IGFBP2: variants seen among roughly 807,000 people sequenced by gnomAD.
The protein encoded by IGFBP2 is insulin like growth factor binding protein 2.
A neutral mutation model predicts 26.2 loss-of-function variants in IGFBP2; 12 were observed. That is an observed-to-expected ratio of 0.46 (90% CI 0.29 to 0.74). IGFBP2 has a LOEUF of 0.74. Ranked by LOEUF, IGFBP2 falls within the 30% of genes least tolerant of loss-of-function variation. IGFBP2 has a pLI of 0.09. For missense variants in IGFBP2, 328 were observed against 441.2 expected (o/e 0.74, Z 2.30); for synonymous variants, 189 against 200.6 (o/e 0.94, Z 0.49).
Position 216,661,898 on chromosome 2 carries a change from T to TC in IGFBP2, c.714dup (p.Ser239LeufsTer8). On this transcript the variant is annotated frameshift_variant, in exon 3 of 4. Transcript: ENST00000233809. LOFTEE classifies it high-confidence loss of function. Reference sequence around the variant, plus strand: ...GAACTGGACCAGGTCCTGGAGCGGATCTCCACCATGCGCCTTCCGGATGAG... The same window carrying TC: ...GAACTGGACCAGGTCCTGGAGCGGATCCTCCACCATGCGCCTTCCGGATGAG... The TC allele has an allele frequency of 6.2e-7, 1 of 1,614,164 alleles. No homozygotes were observed.
rs1395052238 is a variant in IGFBP2, at chr2:216,664,249, G to C, written c.*145G>C. 5.1e-6 allele frequency: 3 copies of C among 587,578 alleles called. No homozygotes were observed. The highest frequency in any genetic ancestry group is 8.3e-6 in the Non-Finnish European group (3 of 363,366). The allele number at this position is 587,578 out of a possible 1,614,324, so 36.4% of individuals were successfully genotyped here. On this transcript the variant is annotated 3_prime_UTR_variant, in exon 4 of 4. Transcript: ENST00000233809. This position sits in a 1 kb window ranked among gnomAD's most constrained non-coding sequence, Gnocchi z 4.6. The stretch of plus-strand genomic sequence containing the variant: ...ATATTTGGAAAGAGACCAGCACCGA[G>C]CTCGGCACCTCCCCGGCCTCTCTCT...
intron 1 of IGFBP2, among the ~76,000 whole-genome samples, chr2:216,646,073 T>C (rs956466868): frequency 6.6e-6 from 1 of 152,232 alleles, no homozygotes; most frequent in Non-Finnish European, 1.5e-5. Context: ...TTAAAGACAC[T>C]TATTTATATT....
At chr2:216,643,935 T>A (rs1403016001) in intron 1 of IGFBP2, among the ~76,000 whole-genome samples, 2 of 151,628 alleles carry the variant, frequency 1.3e-5, no homozygotes, top group East Asian at 1.9e-4. Context: ...GGGATGTCGA[T>A]TTTTTTTTCT....
intron 1 of IGFBP2, among the ~76,000 whole-genome samples, chr2:216,647,348 A>G (rs1427629618): frequency 6.6e-6 from 1 of 152,180 alleles, no homozygotes; most frequent in Non-Finnish European, 1.5e-5. Flanking sequence ...GACCAAGTTT[A>G]TGTCTTCAGG....
At chr2:216,653,327 T>A (rs1697861825) in intron 1 of IGFBP2, among the ~76,000 whole-genome samples, 2 of 152,202 alleles carry the variant, frequency 1.3e-5, no homozygotes, top group Admixed American at 1.3e-4. Flanking sequence ...AGAGTTTGAT[T>A]TGTTGAGTAA....
chr2:216,641,421 TG>T (rs1697610776), intron 1 of IGFBP2, among the ~76,000 whole-genome samples: 1 of 152,178 alleles, frequency 6.6e-6, no homozygotes, highest in Non-Finnish European at 1.5e-5. Flanking sequence ...ACTACACAGA[TG>T]TGTGTAAAGA....
intron 1 of IGFBP2, among the ~76,000 whole-genome samples, chr2:216,649,280 G>A (rs1228102269): frequency 6.6e-6 from 1 of 152,130 alleles, no homozygotes; most frequent in African/African-American, 2.4e-5. Context: ...GCTATATATT[G>A]TTCCTTTGTA....
chr2:216,657,034 G>A (rs2106203668), intron 1 of IGFBP2, among the ~76,000 whole-genome samples: 1 of 152,324 alleles, frequency 6.6e-6, no homozygotes, highest in African/African-American at 2.4e-5. Context: ...GGGTGAGGGC[G>A]AACTGGAGGT....
chr2:216,657,050 C>T (rs1365669790), intron 1 of IGFBP2, among the ~76,000 whole-genome samples: 1 of 152,156 alleles, frequency 6.6e-6, no homozygotes, highest in African/African-American at 2.4e-5. Flanking sequence ...GAGGTTCCCA[C>T]TTCATTTTGT....
intron 1 of IGFBP2, among the ~76,000 whole-genome samples, chr2:216,649,335 T>C (rs1697774142): frequency 1.3e-5 from 2 of 152,248 alleles, no homozygotes; most frequent in African/African-American, 2.4e-5. Flanking sequence ...TGAAACACTT[T>C]TGGATCTGGT....
chr2:216,636,958 G>A (rs1333580849), intron 1 of IGFBP2, among the ~76,000 whole-genome samples: 1 of 151,590 alleles, frequency 6.6e-6, no homozygotes, highest in African/African-American at 2.4e-5. Flanking sequence ...CGGGCCTGGG[G>A]AGGCTCTGCA....
chr2:216,663,927 CCT>C lies in IGFBP2; in HGVS notation c.814-7_814-6del, dbSNP rs1688705596. On this transcript the variant is annotated splice_polypyrimidine_tract_variant and intron_variant, in intron 3 of 3. Coordinates refer to ENST00000233809, the MANE Select transcript of IGFBP2 (RefSeq NM_000597.3). ...GCTGCGGGCTCCTCCATGCTCTTCT[CCT>C]CTCTCCCCAGTGCAAGATGTCTCTG... 6.2e-7 allele frequency: 1 copy of C among 1,612,182 alleles called. No homozygotes were observed. Among genetic ancestry groups the C allele is most frequent in the Non-Finnish European group, 8.5e-7 (1 of 1,179,008 alleles).
At chr2:216,647,273 A>G (rs1364549624) in intron 1 of IGFBP2, among the ~76,000 whole-genome samples, 2 of 152,258 alleles carry the variant, frequency 1.3e-5, no homozygotes, top group East Asian at 3.9e-4. Context: ...ATGTTAATTG[A>G]GGACACAGAA....
chr2:216,634,055 G>A (rs1321991831), intron 1 of IGFBP2, 90 bp downstream of exon 1: 2 of 1,452,752 alleles, frequency 1.4e-6, no homozygotes, highest in Non-Finnish European at 9.1e-7. Flanking sequence ...CGGTTTTAGG[G>A]GCGGCAGAGC....
chr2:216,654,440 G>A (rs1011055443), intron 1 of IGFBP2, among the ~76,000 whole-genome samples: 2 of 152,210 alleles, frequency 1.3e-5, no homozygotes, highest in African/African-American at 2.4e-5. Context: ...GCTTAAGAAA[G>A]TTGTCTGGTG....
chr2:216,647,875 C>G (rs192922793), intron 1 of IGFBP2, among the ~76,000 whole-genome samples: 94 of 152,254 alleles, frequency 6.2e-4, no homozygotes, highest in Middle Eastern at 3.4e-3. Flanking sequence ...GGCTGGAATG[C>G]AATTGCACGA....
chr2:216,658,512 T>A (rs1574566510), intron 1 of IGFBP2, among the ~76,000 whole-genome samples: 1 of 150,660 alleles, frequency 6.6e-6, no homozygotes, highest in East Asian at 1.9e-4. Flanking sequence ...AGAATTTCTG[T>A]GCTCCAGGTC....
Position 216,660,775 on chromosome 2 carries a change from C to T in IGFBP2, c.661C>T (p.Pro221Ser), listed in dbSNP as rs1460256483. Reference protein sequence around the residue: ...GLEEPKKLRPPPARTPCQQEL... With the variant: ...GLEEPKKLRPSPARTPCQQEL... ...GGAGGAGCCCAAGAAGCTGCGACCA[C>T]CCCCTGCCAGGGTCAGTGAGGGTCA... The change falls in exon 2 of 4, where the codon CCC becomes TCC. Residue 221 changes from proline (P) to serine (S), a missense_variant. Transcript: ENST00000233809. The T allele has an allele frequency of 1.9e-6, 3 of 1,586,098 alleles. No individual in the cohort carries two copies. The highest frequency in any genetic ancestry group is 2.6e-6 in the Non-Finnish European group (3 of 1,167,170).
chr2:216,633,120 C>G (rs1697410705), upstream of IGFBP2: 2 of 152,438 alleles, frequency 1.3e-5, no homozygotes, highest in Non-Finnish European at 2.9e-5. Context: ...TGAGAGCAGA[C>G]AAAAGCACGC....
Sources: gnomAD v4.1 joint callset for allele counts (sites outside exome capture counted in the v4.1 genomes callset) on GRCh38, gnomAD v4.1.1 for gene constraint, Gnocchi (gnomAD v3.1) non-coding constraint, MANE v1.5 for transcripts, NCBI Gene and HGNC (gene_info 2026-07-23, HGNC 2026-07-21) for gene names.